The following TMEM132D variants were observed in gnomAD, a reference collection of about 807,000 sequenced individuals.
TMEM132D encodes transmembrane protein 132D.
A neutral mutation model predicts 62.3 loss-of-function variants in TMEM132D; 21 were observed. That is an observed-to-expected ratio of 0.34 (90% CI 0.24 to 0.49). TMEM132D has a LOEUF of 0.49. TMEM132D is among the 20% of genes least tolerant of loss of function. The probability of loss-of-function intolerance (pLI) is 0.99; values close to 1 mark genes in which losing one functional copy is unlikely to be tolerated. For synonymous variants in TMEM132D, 621 were observed against 575.6 expected (o/e 1.08, Z -1.13); for missense variants, 1,346 against 1,402.8 (o/e 0.96, Z 0.65).
intron 2 of TMEM132D, among the ~76,000 whole-genome samples, chr12:129,583,679 C>A (rs952644935): frequency 2.0e-5 from 3 of 152,110 alleles, no homozygotes; most frequent in African/African-American, 4.8e-5. Context: ...TAGAGAAAGA[C>A]CCGTGGGGGG....
chr12:129,760,882 A>T (rs570670042), intron 1 of TMEM132D, among the ~76,000 whole-genome samples: 2 of 150,974 alleles, frequency 1.3e-5, no homozygotes, highest in Middle Eastern at 3.4e-3. Flanking sequence ...TCATTGTTCA[A>T]CTCCCACTTA....
intron 1 of TMEM132D, among the ~76,000 whole-genome samples, chr12:129,727,478 C>A (rs1869078443): frequency 6.6e-6 from 1 of 152,184 alleles, no homozygotes; most frequent in African/African-American, 2.4e-5. Context: ...AAAGGTCCCA[C>A]CTCTTAATGC....
chr12:129,588,224 C>T (rs1232154160), intron 2 of TMEM132D, among the ~76,000 whole-genome samples: 1 of 152,192 alleles, frequency 6.6e-6, no homozygotes, highest in East Asian at 1.9e-4. Flanking sequence ...CCTTTCACTA[C>T]CTAAAGCAGC....
At chr12:129,781,332 G>A (rs1871112085) in intron 1 of TMEM132D, among the ~76,000 whole-genome samples, 1 of 152,154 alleles carries the variant, frequency 6.6e-6, no homozygotes, top group Non-Finnish European at 1.5e-5. Flanking sequence ...CTGCAAAGCA[G>A]GCTGAGAAAA....
Position 129,094,535 on chromosome 12 carries a change from G to C in TMEM132D, c.1444-9833C>G, listed in dbSNP as rs553134195. On this transcript the variant is annotated intron_variant, in intron 5 of 8. Coordinates refer to ENST00000422113, the MANE Select transcript of TMEM132D (RefSeq NM_133448.3). ...ATCATTAAAAAGTCAAGAAACAACA[G>C]GTGCTGGAGAGGATGTGGAGAAATA... is the stretch of plus-strand genomic sequence containing the variant. Among the ~76,000 whole-genome samples the C allele has an allele frequency of 6.6e-5, 10 of 152,264 alleles. No homozygotes were observed. In the South Asian group the frequency reaches 1.4e-3, roughly 22 times the overall value.
intron 4 of TMEM132D, among the ~76,000 whole-genome samples, chr12:129,244,706 T>C (rs940578757): frequency 1.3e-5 from 2 of 152,078 alleles, no homozygotes; most frequent in Non-Finnish European, 2.9e-5. Context: ...AGTGGTGCAA[T>C]CTCAGCTTGC....
intron 1 of TMEM132D, among the ~76,000 whole-genome samples, chr12:129,812,690 A>C (rs933408421): frequency 6.6e-6 from 1 of 151,632 alleles, no homozygotes; most frequent in Non-Finnish European, 1.5e-5. Flanking sequence ...CTCTCTCTTG[A>C]AATCTATAAT....
At chr12:129,504,078 C>A (rs1566090616) in intron 3 of TMEM132D, among the ~76,000 whole-genome samples, 1 of 152,194 alleles carries the variant, frequency 6.6e-6, no homozygotes, top group East Asian at 1.9e-4. Context: ...CCATCCCCCT[C>A]ATCACCATTA....
chr12:129,290,719 T>C (rs1238852008), intron 4 of TMEM132D, among the ~76,000 whole-genome samples: 6 of 152,200 alleles, frequency 3.9e-5, no homozygotes, highest in Non-Finnish European at 7.3e-5. Context: ...TTAAACATGA[T>C]AATATATTCA....
rs36073067 is a variant in TMEM132D at position 129,273,435 on chromosome 12, C to CAAA, written c.1300-63775_1300-63773dup. Among the ~76,000 whole-genome samples, 31 of 113,768 alleles carry CAAA rather than the reference C, an allele frequency of 2.7e-4. No individual in the cohort carries two copies. The East Asian group carries it at 7.9e-3, about 29-fold the overall frequency. The allele number at this position is 113,768 out of a possible 152,430, so 74.6% of individuals were successfully genotyped here. Reference sequence around the variant, plus strand: ...CCCAAAGGAAAATAAATCAGCCTGTCAAAAAAAAAAAAAAAAAAAGCACAT... The same window carrying CAAA: ...CCCAAAGGAAAATAAATCAGCCTGTCAAAAAAAAAAAAAAAAAAAAAAGCACAT... On this transcript the variant is annotated intron_variant, in intron 4 of 8. Transcript: ENST00000422113.
Position 129,546,465 on chromosome 12 carries a change from T to A in TMEM132D, c.969-15260A>T, listed in dbSNP as rs557185831. Among the ~76,000 whole-genome samples the A allele has an allele frequency of 2.0e-5, 3 of 152,212 alleles. No individual in the cohort carries two copies. In the South Asian group the frequency reaches 6.2e-4, roughly 32 times the overall value. The stretch of plus-strand genomic sequence containing the variant: ...AGAAACCTAAGCTACACCTGCATTC[T>A]CCTTTAGAGCACGTATATTAACATT... On this transcript the variant is annotated intron_variant, in intron 2 of 8. Transcript: ENST00000422113.
intron 5 of TMEM132D, among the ~76,000 whole-genome samples, chr12:129,103,295 A>G (rs540010082): frequency 5.9e-4 from 90 of 152,252 alleles, no homozygotes; most frequent in Middle Eastern, 3.4e-3. Context: ...GTTCCTTCCC[A>G]CAGCAGCAAC....
intron 2 of TMEM132D, among the ~76,000 whole-genome samples, chr12:129,637,820 A>G (rs73157279): frequency 0.19 from 29,566 of 151,994 alleles, 3,603 homozygotes; most frequent in Admixed American, 0.26. Context: ...CAAGGAAGGC[A>G]GGGGGCGGAG....
At chr12:129,515,580 C>T (rs1875649147) in intron 3 of TMEM132D, among the ~76,000 whole-genome samples, 2 of 152,128 alleles carry the variant, frequency 1.3e-5, no homozygotes. Context: ...GCCACTATGA[C>T]CTCCTCCTCC....
intron 4 of TMEM132D, among the ~76,000 whole-genome samples, chr12:129,299,016 T>C (rs1881642894): frequency 6.6e-6 from 1 of 152,190 alleles, no homozygotes; most frequent in African/African-American, 2.4e-5. Flanking sequence ...CTTTCCTTCA[T>C]AAAACCGACT....
chr12:129,649,023 C>T (rs1263789846), intron 2 of TMEM132D, among the ~76,000 whole-genome samples: 1 of 152,140 alleles, frequency 6.6e-6, no homozygotes, highest in Non-Finnish European at 1.5e-5. Context: ...ATGCTGGGTG[C>T]TTTTGGTTTG....
chr12:129,605,632 C>T (rs1485853990), intron 2 of TMEM132D, among the ~76,000 whole-genome samples: 1 of 117,204 alleles, frequency 8.5e-6, no homozygotes, highest in Admixed American at 9.6e-5. Flanking sequence ...TACACACACA[C>T]ACACACACAC....
chr12:129,135,087 G>A (rs968243601), intron 5 of TMEM132D, among the ~76,000 whole-genome samples: 4 of 152,202 alleles, frequency 2.6e-5, no homozygotes, highest in Non-Finnish European at 4.4e-5. Context: ...ATATGGAAAA[G>A]TCTGTTGAAT....
At chr12:129,609,098 G>T (rs755462736) in intron 2 of TMEM132D, among the ~76,000 whole-genome samples, 2 of 151,844 alleles carry the variant, frequency 1.3e-5, no homozygotes, top group African/African-American at 2.4e-5. Context: ...CCACCAACAC[G>T]CCCAGATAAT....
Sources: gnomAD v4.1 joint callset for allele counts (sites outside exome capture counted in the v4.1 genomes callset) on GRCh38, gnomAD v4.1.1 for gene constraint, MANE v1.5 for transcripts, NCBI Gene and HGNC (gene_info 2026-07-23, HGNC 2026-07-21) for gene names.